The following EPHA5 variants were observed in gnomAD, a reference collection of about 807,000 sequenced individuals.
EPHA5 encodes the protein ephrin type-A receptor 5.
A neutral mutation model predicts 105.0 loss-of-function variants in EPHA5; 60 were observed. The observed-to-expected ratio is 0.57, with a 90% CI of 0.46 to 0.71. EPHA5 has a LOEUF of 0.71. Among genes scored for constraint, EPHA5 ranks in the 30% least tolerant of loss-of-function variants. The pLI is 0.00. For synonymous variants in EPHA5, 513 were observed against 449.1 expected, an observed-to-expected ratio of 1.14 and a Z score of -1.80; for missense variants, 1,218 against 1,274.7, an observed-to-expected ratio of 0.96 and a Z score of 0.68.
chr4:65,322,390 T>G lies in EPHA5; in HGVS notation c.*1724A>C, dbSNP rs1719704931. ...ATACCATTAATATAACGTGGCTATA[T>G]TTCTGATAAATTTCATTAATCCAGG... On this transcript the variant is annotated 3_prime_UTR_variant, in exon 17 of 17. Transcript: ENST00000613740. 2 of 225,278 alleles carry G rather than the reference T, an allele frequency of 8.9e-6. No individual in the cohort carries two copies. The highest frequency in any genetic ancestry group is 1.8e-5 in the Non-Finnish European group (2 of 112,986). The allele number at this position is 225,278 out of a possible 1,614,324, so 14.0% of individuals were successfully genotyped here.
chr4:65,619,824 G>A (rs1745553189), intron 2 of EPHA5, among the ~76,000 whole-genome samples: 1 of 151,568 alleles, frequency 6.6e-6, no homozygotes, highest in South Asian at 2.1e-4. Context: ...AATTAGCTTA[G>A]AATTTTTACA....
intron 15 of EPHA5, among the ~76,000 whole-genome samples, chr4:65,332,854 T>C (rs201880835): frequency 2.6e-5 from 4 of 151,934 alleles, no homozygotes; most frequent in East Asian, 3.9e-4. Context: ...GAGGAACTTA[T>C]CGACTTCCTA....
chr4:65,617,445 T>C (rs1328364192), intron 2 of EPHA5, among the ~76,000 whole-genome samples: 2 of 152,258 alleles, frequency 1.3e-5, no homozygotes, highest in South Asian at 2.1e-4. Flanking sequence ...AATGAATGAA[T>C]AGATGAATTA....
intron 5 of EPHA5, among the ~76,000 whole-genome samples, chr4:65,444,238 C>G (rs1193184157): frequency 6.6e-6 from 1 of 152,088 alleles, no homozygotes; most frequent in East Asian, 1.9e-4. Context: ...TGCTGAAGAT[C>G]CTTTTGTCTC....
intron 3 of EPHA5, among the ~76,000 whole-genome samples, chr4:65,573,239 G>A (rs1403878041): frequency 1.3e-5 from 2 of 150,848 alleles, no homozygotes; most frequent in African/African-American, 2.4e-5. Flanking sequence ...GTGAAACCCC[G>A]TCTCTACTAA....
At chr4:65,538,634 T>G (rs1477734507) in intron 3 of EPHA5, among the ~76,000 whole-genome samples, 2 of 151,694 alleles carry the variant, frequency 1.3e-5, no homozygotes, top group Non-Finnish European at 3.0e-5. Context: ...GACAGACAAG[T>G]GACTCCTAGA....
chr4:65,334,275 T>C (rs1720961164), intron 15 of EPHA5, among the ~76,000 whole-genome samples: 1 of 151,990 alleles, frequency 6.6e-6, no homozygotes, highest in Admixed American at 6.6e-5. Context: ...GAATAGATGT[T>C]GGATGAATAA....
At chr4:65,536,451 T>C (rs181601965) in intron 3 of EPHA5, among the ~76,000 whole-genome samples, 1 of 151,892 alleles carries the variant, frequency 6.6e-6, no homozygotes, top group Admixed American at 6.6e-5. Context: ...AGTGAAACCA[T>C]ATATATTTTT....
At chr4:65,459,409 C>T (rs1234782154) in intron 5 of EPHA5, among the ~76,000 whole-genome samples, 2 of 151,790 alleles carry the variant, frequency 1.3e-5, no homozygotes, top group African/African-American at 4.8e-5. Context: ...ATAAATAATG[C>T]ACAAATCACT....
intron 8 of EPHA5, among the ~76,000 whole-genome samples, chr4:65,393,330 AT>A (rs1720904085): frequency 6.6e-6 from 1 of 152,130 alleles, no homozygotes; most frequent in Non-Finnish European, 1.5e-5. Flanking sequence ...AGTGCTACTG[AT>A]TGACTTACTC....
At chr4:65,469,402 A>T (rs559852609) in intron 5 of EPHA5, among the ~76,000 whole-genome samples, 35 of 152,324 alleles carry the variant, frequency 2.3e-4, no homozygotes, top group African/African-American at 7.7e-4. Context: ...CAAGTTATGT[A>T]TTCCAAATGA....
Position 65,510,340 on chromosome 4 carries a change from C to T in EPHA5, c.911-14797G>A, listed in dbSNP as rs139543070. Among the ~76,000 whole-genome samples, 5 of 151,926 alleles carry T rather than the reference C, an allele frequency of 3.3e-5. No homozygotes were observed. In the East Asian group the frequency reaches 5.8e-4, roughly 18 times the overall value. ...GATTACAGGCATGAGCCACTACGCT[C>T]GGTGGATACATACTTCTGTTAGCAA... On this transcript the variant is annotated intron_variant, in intron 3 of 16. Coordinates refer to ENST00000613740, the MANE Select transcript of EPHA5 (RefSeq NM_001281766.3).
In EPHA5 at chr4:65,344,324, T is replaced by A. The variant is rs551099603; in HGVS notation, c.2595+3730A>T. ...GTGGAGGAGAGCCAAGGCATACTAA[T>A]ACAGACCCACTGGCCCTCAGGAACA... On this transcript the variant is annotated intron_variant, in intron 14 of 16. Coordinates refer to ENST00000613740, the MANE Select transcript of EPHA5 (RefSeq NM_001281766.3). Among the ~76,000 whole-genome samples the A allele has an allele frequency of 3.9e-5, 6 of 152,222 alleles. No individual in the cohort carries two copies. The South Asian group carries it at 6.2e-4, about 16-fold the overall frequency.
chr4:65,419,557 C>G (rs551039540), intron 6 of EPHA5, among the ~76,000 whole-genome samples: 1 of 152,304 alleles, frequency 6.6e-6, no homozygotes, highest in East Asian at 1.9e-4. Flanking sequence ...CTCCAACCCA[C>G]TTCTCAAAGG....
intron 5 of EPHA5, among the ~76,000 whole-genome samples, chr4:65,483,064 A>G (rs1371341332): frequency 1.3e-5 from 2 of 151,944 alleles, no homozygotes; most frequent in Admixed American, 6.6e-5. Context: ...CCTGTGTCCA[A>G]GTGTTCTCAT....
rs1723838022 is a variant in EPHA5 at position 65,420,456 on chromosome 4, G to T, written c.1512C>A (p.Ile504=). ...TTAGTCTTACCTTTTCAAAATACTTGATTTCATACTCTAGGATGATTCCAT... is the reference window on the plus strand; with the variant it reads ...TTAGTCTTACCTTTTCAAAATACTTTATTTCATACTCTAGGATGATTCCAT... ...RPNGIILEYE[I]KYFEKDQETS... The change falls in exon 6 of 17, where the codon ATC becomes ATA. Residue 504 remains isoleucine, a synonymous_variant. Transcript: ENST00000613740. 1.3e-6 allele frequency: 2 copies of T among 1,592,316 alleles called. No individual in the cohort carries two copies. The highest frequency in any genetic ancestry group is 8.5e-7 in the Non-Finnish European group (1 of 1,170,666).
intron 3 of EPHA5, among the ~76,000 whole-genome samples, chr4:65,571,279 G>A (rs754047365): frequency 6.6e-6 from 1 of 150,776 alleles, no homozygotes; most frequent in Non-Finnish European, 1.5e-5. Context: ...TGCACAATAT[G>A]GCCCACTCAC....
intron 8 of EPHA5, among the ~76,000 whole-genome samples, chr4:65,394,385 T>G (rs1027188964): frequency 2.0e-5 from 3 of 152,206 alleles, no homozygotes; most frequent in Non-Finnish European, 4.4e-5. Context: ...AGAGCTGGGT[T>G]CATGGTCCAG....
chr4:65,507,727 G>T (rs1266240829), intron 3 of EPHA5, among the ~76,000 whole-genome samples: 1 of 152,100 alleles, frequency 6.6e-6, no homozygotes, highest in African/African-American at 2.4e-5. Flanking sequence ...TGTATCCTGA[G>T]ACTGCTGAAG....
Sources: gnomAD v4.1 joint callset for allele counts (sites outside exome capture counted in the v4.1 genomes callset) on GRCh38, gnomAD v4.1.1 for gene constraint, MANE v1.5 for transcripts, NCBI Gene and HGNC (gene_info 2026-07-23, HGNC 2026-07-21) for gene names.